Variants in ATXN7L1 observed in about 807,000 individuals in gnomAD.
ATXN7L1 encodes the protein ataxin 7 like 1.
Under a neutral mutation model 70.8 loss-of-function variants are expected in ATXN7L1, and 15 were observed. The ratio of observed to expected loss-of-function variants is 0.21; its 90% CI spans 0.14 to 0.33. The LOEUF is 0.33. ATXN7L1 is among the 10% of genes least tolerant of loss of function. The probability of loss-of-function intolerance (pLI) is 1.00; values close to 1 mark genes in which losing one functional copy is unlikely to be tolerated. For missense variants in ATXN7L1, 975 were observed against 1,097.1 expected (o/e 0.89, Z 1.57); for synonymous variants, 440 against 445.1 (o/e 0.99, Z 0.14).
chr7:105,619,583 G>T (rs1248703884), intron 9 of ATXN7L1, among the ~76,000 whole-genome samples: 7 of 112,698 alleles, frequency 6.2e-5, no homozygotes, highest in South Asian at 3.2e-4. Flanking sequence ...AGAGGGTCTT[G>T]CTCCATTGCT....
chr7:105,833,891 T>C (rs2116593800), intron 2 of ATXN7L1, among the ~76,000 whole-genome samples: 1 of 152,384 alleles, frequency 6.6e-6, no homozygotes, highest in East Asian at 1.9e-4. Flanking sequence ...AAGATTTCAC[T>C]GCAAAATTCT....
intron 3 of ATXN7L1, among the ~76,000 whole-genome samples, chr7:105,700,816 C>T (rs532399648): frequency 5.9e-5 from 9 of 152,102 alleles, no homozygotes; most frequent in Admixed American, 5.2e-4. Context: ...CCAGTAGCTG[C>T]GACTACAGGC....
At chr7:105,706,865 C>T (rs1424255451) in intron 3 of ATXN7L1, among the ~76,000 whole-genome samples, 1 of 152,222 alleles carries the variant, frequency 6.6e-6, no homozygotes, top group African/African-American at 2.4e-5. Flanking sequence ...TGATTTCCTC[C>T]CACTAAACTC....
chr7:105,735,373 T>C (rs150351294), intron 3 of ATXN7L1, among the ~76,000 whole-genome samples: 1 of 152,332 alleles, frequency 6.6e-6, no homozygotes, highest in African/African-American at 2.4e-5. Flanking sequence ...TAATGGAAGC[T>C]CATCCCTATT....
Position 105,675,097 on chromosome 7 carries a change from G to T in ATXN7L1, c.356-9809C>A, listed in dbSNP as rs184585682. Among the ~76,000 whole-genome samples the T allele has an allele frequency of 1.6e-3, 242 of 151,398 alleles. 1 individual carries two copies. Among genetic ancestry groups the T allele is most frequent in the Non-Finnish European group, 2.2e-3 (151 of 67,910 alleles). On this transcript the variant is annotated intron_variant, in intron 3 of 11. Transcript: ENST00000419735. ...TGTAAGTTTGGAAAATAGGCCTCCA[G>T]GAAATATCCCAAAGGGAAAAAAAAA...
At chr7:105,613,607 A>C in intron 10 of ATXN7L1, 1 of 1,376,902 alleles carries the variant, frequency 7.3e-7, no homozygotes, top group Non-Finnish European at 9.5e-7. Flanking sequence ...CACTCACTGC[A>C]CTGGGGTGTC....
intron 3 of ATXN7L1, among the ~76,000 whole-genome samples, chr7:105,700,229 G>A (rs1426311349): frequency 6.6e-6 from 1 of 152,068 alleles, no homozygotes; most frequent in Non-Finnish European, 1.5e-5. Flanking sequence ...AGGGGGGCTG[G>A]GCGCGGTGGC....
chr7:105,643,198 T>C, intron 4 of ATXN7L1, 77 bp from the exon 5 acceptor site: 1 of 1,395,434 alleles, frequency 7.2e-7, no homozygotes, highest in Non-Finnish European at 9.5e-7. Flanking sequence ...TACCCGCTTA[T>C]CATTATCAGA....
At chr7:105,675,440 T>G (rs1000456925) in intron 3 of ATXN7L1, among the ~76,000 whole-genome samples, 9 of 152,042 alleles carry the variant, frequency 5.9e-5, no homozygotes, top group African/African-American at 1.9e-4. Context: ...CTGGCCAACA[T>G]GGTGAAAGCC....
chr7:105,745,034 G>A (rs1032544288), intron 3 of ATXN7L1, among the ~76,000 whole-genome samples: 22 of 151,954 alleles, frequency 1.4e-4, no homozygotes, highest in African/African-American at 3.6e-4. Context: ...CACTGTGCCC[G>A]GCCAACAACT....
At chr7:105,839,052 T>G (rs561281016) in intron 2 of ATXN7L1, among the ~76,000 whole-genome samples, 1 of 152,322 alleles carries the variant, frequency 6.6e-6, no homozygotes, top group African/African-American at 2.4e-5. Flanking sequence ...AGCCAGCCCC[T>G]GCGGGAAGCC....
At chr7:105,794,717 T>C (rs1805741249) in intron 2 of ATXN7L1, among the ~76,000 whole-genome samples, 1 of 152,166 alleles carries the variant, frequency 6.6e-6, no homozygotes, top group South Asian at 2.1e-4. Flanking sequence ...GGTAAACAAG[T>C]TGATCACCTC....
intron 2 of ATXN7L1, among the ~76,000 whole-genome samples, chr7:105,815,862 T>G (rs1809111096): frequency 6.6e-6 from 1 of 152,152 alleles, no homozygotes; most frequent in African/African-American, 2.4e-5. Context: ...ACAGGATGCT[T>G]GTGAGCGTTT....
At chr7:105,686,548 C>G (rs1195476663) in intron 3 of ATXN7L1, among the ~76,000 whole-genome samples, 1 of 152,110 alleles carries the variant, frequency 6.6e-6, no homozygotes, top group Non-Finnish European at 1.5e-5. Context: ...AAAACCCACC[C>G]ATTTAATATA....
At chr7:105,628,527 C>T (rs1204328853) in intron 7 of ATXN7L1, among the ~76,000 whole-genome samples, 1 of 151,872 alleles carries the variant, frequency 6.6e-6, no homozygotes, top group South Asian at 2.1e-4. Flanking sequence ...CAGTGGCTCA[C>T]GTTTGTAATC....
At chr7:105,827,315 C>T (rs1811007752) in intron 2 of ATXN7L1, among the ~76,000 whole-genome samples, 1 of 152,188 alleles carries the variant, frequency 6.6e-6, no homozygotes, top group Admixed American at 6.5e-5. Flanking sequence ...AAACCATTCA[C>T]TTAAAAAGAG....
chr7:105,747,988 A>T (rs1375599779), intron 3 of ATXN7L1, among the ~76,000 whole-genome samples: 3 of 151,992 alleles, frequency 2.0e-5, no homozygotes, highest in African/African-American at 4.8e-5. Flanking sequence ...GTGTGGTGAC[A>T]CATGCCTGTA....
chr7:105,679,263 C>T, intron 3 of ATXN7L1: 3 of 586,790 alleles, frequency 5.1e-6, no homozygotes, highest in Non-Finnish European at 4.3e-6. Flanking sequence ...CTGAATTTGG[C>T]AGATGAACTT....
intron 3 of ATXN7L1, among the ~76,000 whole-genome samples, chr7:105,709,131 G>C (rs1291540267): frequency 6.6e-6 from 1 of 152,182 alleles, no homozygotes; most frequent in African/African-American, 2.4e-5. Context: ...TCAGGAGTTA[G>C]AGACCAGGCT....
Sources: gnomAD v4.1 joint callset for allele counts (sites outside exome capture counted in the v4.1 genomes callset) on GRCh38, gnomAD v4.1.1 for gene constraint, MANE v1.5 for transcripts, NCBI Gene and HGNC (gene_info 2026-07-23, HGNC 2026-07-21) for gene names.